The following CDH4 variants were observed in gnomAD, a reference collection of about 807,000 sequenced individuals.
The protein encoded by CDH4 is cadherin-4.
In CDH4, 33 loss-of-function variants were observed where a neutral mutation model predicts 86.0. The ratio of observed to expected loss-of-function variants is 0.38; its 90% confidence interval spans 0.29 to 0.51. CDH4 has a LOEUF of 0.51. CDH4 is among the 20% of genes least tolerant of loss of function. CDH4 has a pLI of 0.86. For missense variants in CDH4, 1,114 were observed against 1,307.4 expected (o/e 0.85, Z 2.28); for synonymous variants, 555 against 549.4 (o/e 1.01, Z -0.14).
At chr20:61,366,568 A>C (rs912388486) in intron 2 of CDH4, among the ~76,000 whole-genome samples, 9 of 152,244 alleles carry the variant, frequency 5.9e-5, no homozygotes, top group Admixed American at 1.3e-4. Flanking sequence ...ATAGGTACTA[A>C]ATTAACTAAA....
chr20:61,309,289 A>T (rs922330362), intron 2 of CDH4, among the ~76,000 whole-genome samples: 11 of 152,174 alleles, frequency 7.2e-5, no homozygotes, highest in Non-Finnish European at 1.2e-4. Context: ...TGGCACTGAG[A>T]CATGGATGGG....
chr20:61,323,858 G>T (rs765106000), intron 2 of CDH4, among the ~76,000 whole-genome samples: 2 of 152,208 alleles, frequency 1.3e-5, no homozygotes, highest in African/African-American at 4.8e-5. Context: ...ATGCCTCCCT[G>T]TTGGGGAAAT....
intron 2 of CDH4, among the ~76,000 whole-genome samples, chr20:61,673,769 G>C (rs537360574): frequency 6.6e-6 from 1 of 152,298 alleles, no homozygotes; most frequent in South Asian, 2.1e-4. Flanking sequence ...GGGTTATGGA[G>C]ATGCCCACAG....
chr20:61,349,680 C>T (rs1016638531), intron 2 of CDH4, among the ~76,000 whole-genome samples: 4 of 152,266 alleles, frequency 2.6e-5, no homozygotes, highest in East Asian at 1.9e-4. Context: ...TTCCATGCCC[C>T]GTGAGGCACG....
chr20:61,662,424 C>T (rs1404759140), intron 2 of CDH4, among the ~76,000 whole-genome samples: 1 of 152,204 alleles, frequency 6.6e-6, no homozygotes, highest in African/African-American at 2.4e-5. Context: ...TTCTCAGCTC[C>T]GTGCGCGGCT....
intron 2 of CDH4, among the ~76,000 whole-genome samples, chr20:61,286,375 G>A (rs1480418179): frequency 5.9e-5 from 9 of 152,190 alleles, no homozygotes; most frequent in Admixed American, 2.6e-4. Context: ...CTTGCTTTGC[G>A]AAGCTCACTT....
At chr20:61,695,357 G>A (rs1195933534) in intron 2 of CDH4, among the ~76,000 whole-genome samples, 1 of 152,228 alleles carries the variant, frequency 6.6e-6, no homozygotes, top group African/African-American at 2.4e-5. Context: ...GGTATCAGAT[G>A]TATTCCACGG....
At chr20:61,545,296 A>T (rs73320382) in intron 2 of CDH4, among the ~76,000 whole-genome samples, 3,139 of 152,370 alleles carry the variant, frequency 0.021, 106 homozygotes, top group African/African-American at 0.069. Flanking sequence ...ACATGCGTAC[A>T]TTTGGGAAGT....
intron 2 of CDH4, among the ~76,000 whole-genome samples, chr20:61,279,187 A>T (rs544409494): frequency 1.3e-5 from 2 of 152,216 alleles, no homozygotes; most frequent in Non-Finnish European, 2.9e-5. Context: ...ATCTGGGAAC[A>T]TTCTACGTGG....
At chr20:61,322,426 C>T (rs932652873) in intron 2 of CDH4, among the ~76,000 whole-genome samples, 1 of 152,200 alleles carries the variant, frequency 6.6e-6, no homozygotes, top group African/African-American at 2.4e-5. Context: ...CCTGCAGTAT[C>T]TGAGCCGCCT....
chr20:61,406,229 G>C (rs373502744), intron 2 of CDH4, among the ~76,000 whole-genome samples: 3 of 146,470 alleles, frequency 2.0e-5, no homozygotes, highest in African/African-American at 7.6e-5. Flanking sequence ...TGCTCTACCC[G>C]GACCACCATC....
At chr20:61,383,273 GAATATATGA>G (rs2084918009) in intron 2 of CDH4, among the ~76,000 whole-genome samples, 1 of 46,862 alleles carries the variant, frequency 2.1e-5, no homozygotes, top group African/African-American at 6.8e-5. Flanking sequence ...TGATATATAT[GAATATATGA>G]TATATATGAA....
chr20:61,730,343 G>A lies in CDH4; in HGVS notation c.170-13220G>A, dbSNP rs143557950. Among the ~76,000 whole-genome samples the A allele has an allele frequency of 3.6e-3, 543 of 152,040 alleles. 1 individual carries two copies. The highest frequency in any genetic ancestry group is 0.012 in the African/African-American group (515 of 41,472). ...CCTGTTCATCCCTCCCTCCTCCCAC[G>A]GTCCTTTCACTGTCTCTGTGGCTTT... On this transcript the variant is annotated intron_variant, in intron 2 of 15. Transcript: ENST00000614565.
At chr20:61,732,059 C>G (rs1350912330) in intron 2 of CDH4, among the ~76,000 whole-genome samples, 1 of 152,246 alleles carries the variant, frequency 6.6e-6, no homozygotes, top group African/African-American at 2.4e-5. Flanking sequence ...AGCCTCCTCT[C>G]CCCTCTGGGA....
At chr20:61,692,241 ATG>A (rs1555825699) in intron 2 of CDH4, among the ~76,000 whole-genome samples, 54 of 97,530 alleles carry the variant, frequency 5.5e-4, no homozygotes, top group Non-Finnish European at 1.2e-3. Context: ...GTGTGTATGT[ATG>A]TGTGTGTATG....
intron 2 of CDH4, among the ~76,000 whole-genome samples, chr20:61,586,439 C>T (rs2086476070): frequency 6.6e-6 from 1 of 152,104 alleles, no homozygotes; most frequent in African/African-American, 2.4e-5. Context: ...GCTAGGGCAC[C>T]ACATCTTCCA....
At chr20:61,912,164 T>C (rs1420025673) in intron 9 of CDH4, among the ~76,000 whole-genome samples, 1 of 152,206 alleles carries the variant, frequency 6.6e-6, no homozygotes, top group African/African-American at 2.4e-5. Context: ...ACCCCTCCTT[T>C]ATTAAGGGAC....
At chr20:61,895,463 C>A (rs1432631578) in intron 8 of CDH4, among the ~76,000 whole-genome samples, 1 of 152,182 alleles carries the variant, frequency 6.6e-6, no homozygotes, top group Non-Finnish European at 1.5e-5. Context: ...GGCCTGCTGT[C>A]GGCAGAAAGG....
At position 61,534,665 on chromosome 20, in the gene CDH4, C is replaced by CTTTTTTTTTTTTTTTTTTTT. The variant is rs34309371; in HGVS notation, c.170-208895_170-208876dup. ...CTTTCTTTCTTTTCTTTCTTTCTTT[C>CTTTTTTTTTTTTTTTTTTTT]TTTTTTTTTTTTTTTTTTTTTTGAG... On this transcript the variant is annotated intron_variant, in intron 2 of 15. Coordinates refer to ENST00000614565, the MANE Select transcript of CDH4 (RefSeq NM_001794.5). Among the ~76,000 whole-genome samples, 20 of 76,054 alleles carry CTTTTTTTTTTTTTTTTTTTT rather than the reference C, an allele frequency of 2.6e-4. 1 individual carries two copies. Among genetic ancestry groups the CTTTTTTTTTTTTTTTTTTTT allele is most frequent in the African/African-American group, 1.4e-3 (13 of 9,308 alleles). The allele number at this position is 76,054 out of a possible 152,430, so 49.9% of individuals were successfully genotyped here. A position where few individuals can be genotyped will look rare whatever the true frequency, so the allele number is the denominator to read the frequency against.
Sources: gnomAD v4.1 joint callset for allele counts (sites outside exome capture counted in the v4.1 genomes callset) on GRCh38, gnomAD v4.1.1 for gene constraint, MANE v1.5 for transcripts, NCBI Gene and HGNC (gene_info 2026-07-23, HGNC 2026-07-21) for gene names.